Variants in UGT1A10 observed in about 807,000 individuals in gnomAD.
UGT1A10 encodes the protein UDP glucuronosyltransferase family 1 member A10.
In UGT1A10, 49 loss-of-function variants were observed where a neutral mutation model predicts 45.8. The observed-to-expected ratio is 1.07, with a 90% CI of 0.85 to 1.36. The LOEUF is 1.36. Among genes scored for constraint, UGT1A10 ranks in the 40% most tolerant of loss-of-function variants. The pLI is 0.00. For missense variants in UGT1A10, 745 were observed against 668.6 expected (o/e 1.11, Z -1.26); for synonymous variants, 284 against 249.7 (o/e 1.14, Z -1.29).
chr2:233,643,550 C>A (rs1254185573), intron 1 of UGT1A10, among the ~76,000 whole-genome samples: 1 of 152,074 alleles, frequency 6.6e-6, no homozygotes, highest in East Asian at 1.9e-4. Context: ...CCCCCTGCAG[C>A]AGTGTTGGTA....
intron 1 of UGT1A10, among the ~76,000 whole-genome samples, chr2:233,698,540 G>A (rs2075446584): frequency 1.3e-5 from 2 of 152,274 alleles, no homozygotes; most frequent in African/African-American, 4.8e-5. Flanking sequence ...AACAGAACAC[G>A]AGTGGCCAAC....
Position 233,637,185 on chromosome 2 carries a change from G to C in UGT1A10, c.663G>C (p.Gln221His), listed in dbSNP as rs1213461078. The part of the protein sequence containing the change: ...IVHLEDHLFC[Q>H]YLFRNALEIA... ...ACTTGGAGGACCATTTATTTTGCCAGTATCTTTTTAGAAATGCCCTAGAAA... is the reference window on the plus strand; with the variant it reads ...ACTTGGAGGACCATTTATTTTGCCACTATCTTTTTAGAAATGCCCTAGAAA... Residue 221 changes from glutamine (Q) to histidine (H), a missense_variant, in exon 1 of 5, where the codon CAG (glutamine) becomes CAC (histidine). By Grantham distance (24) the Gln-to-His change is conservative. Coordinates refer to ENST00000344644, the MANE Select transcript of UGT1A10 (RefSeq NM_019075.4). The C allele has an allele frequency of 6.2e-7, 1 of 1,613,950 alleles. No homozygotes were observed. Among genetic ancestry groups the C allele is most frequent in the African/African-American group, 1.3e-5 (1 of 75,024 alleles).
chr2:233,725,139 A>G lies in UGT1A10; in HGVS notation c.856-41895A>G, dbSNP rs1329392712. ...TGCAGTGAGCCGAGATGGCAGCAGTACAGTCCAGCTTCGGCTCTGCATGAG... is the reference window on the plus strand; with the variant it reads ...TGCAGTGAGCCGAGATGGCAGCAGTGCAGTCCAGCTTCGGCTCTGCATGAG... On this transcript the variant is annotated intron_variant, in intron 1 of 4. Transcript: ENST00000344644. Among the ~76,000 whole-genome samples, 4 of 132,800 alleles carry G rather than the reference A, an allele frequency of 3.0e-5. 1 individual carries two copies. The highest frequency in any genetic ancestry group is 6.3e-5 in the Non-Finnish European group (4 of 63,650). The allele number at this position is 132,800 out of a possible 152,430, so 87.1% of individuals were successfully genotyped here. A position where few individuals can be genotyped will look rare whatever the true frequency, so the allele number is the denominator to read the frequency against.
At chr2:233,728,368 C>T (rs1168371708) in intron 1 of UGT1A10, among the ~76,000 whole-genome samples, 7 of 152,282 alleles carry the variant, frequency 4.6e-5, no homozygotes, top group African/African-American at 1.2e-4. Context: ...CTGAACCCAC[C>T]ATGGGTCTTT....
chr2:233,684,711 G>T (rs1275100203), intron 1 of UGT1A10, among the ~76,000 whole-genome samples: 1 of 151,950 alleles, frequency 6.6e-6, no homozygotes, highest in East Asian at 1.9e-4. Flanking sequence ...ATGTATTAAT[G>T]TATATATTTA....
chr2:233,640,080 C>T (rs1322189342), intron 1 of UGT1A10, among the ~76,000 whole-genome samples: 1 of 152,184 alleles, frequency 6.6e-6, no homozygotes, highest in African/African-American at 2.4e-5. Context: ...AAGATCTGTG[C>T]TTTCCCCATT....
chr2:233,693,265 G>A (rs1232427897), intron 1 of UGT1A10: 2 of 1,614,108 alleles, frequency 1.2e-6, no homozygotes, highest in South Asian at 2.2e-5. Flanking sequence ...AAGAAGAGCT[G>A]AAGAACCGTT....
chr2:233,730,323 CA>C lies in UGT1A10; in HGVS notation c.856-36710del, dbSNP rs2078014801. Among the ~76,000 whole-genome samples the C allele has an allele frequency of 2.0e-5, 3 of 152,152 alleles. No homozygotes were observed. The South Asian group carries it at 6.2e-4, about 32-fold the overall frequency. ...TCCTTCAGCTTGGCAGGAACAGGGA[CA>C]CTACGTTTGGAACTGATCCATCCTG... On this transcript the variant is annotated intron_variant, in intron 1 of 4. Transcript: ENST00000344644.
intron 1 of UGT1A10, chr2:233,754,294 G>C (rs556479810): frequency 4.3e-4 from 102 of 236,002 alleles, no homozygotes; most frequent in African/African-American, 2.0e-3. Flanking sequence ...TTCTGTCCTA[G>C]CACTAGGAAA....
At chr2:233,753,157 T>C (rs1695143636) in intron 1 of UGT1A10, 2 of 152,228 alleles carry the variant, frequency 1.3e-5, no homozygotes, top group African/African-American at 2.4e-5. Context: ...TAAGTTCCCT[T>C]ATCCGGATCA....
chr2:233,681,999 G>A (rs2074549266), intron 1 of UGT1A10: 1 of 1,614,050 alleles, frequency 6.2e-7, no homozygotes, highest in Non-Finnish European at 8.5e-7. Flanking sequence ...CTGACCTGTG[G>A]CTTTGCCAAG....
intron 1 of UGT1A10, chr2:233,713,315 G>A (rs1559359231): frequency 1.9e-6 from 3 of 1,614,100 alleles, no homozygotes; most frequent in Admixed American, 1.7e-5. Context: ...ATCTTCTGAT[G>A]AAATTTTCTA....
chr2:233,753,949 C>T (rs1032633055), intron 1 of UGT1A10, among the ~76,000 whole-genome samples: 3 of 152,164 alleles, frequency 2.0e-5, no homozygotes, highest in African/African-American at 7.2e-5. Context: ...GTATGACCTC[C>T]AAAATATTAA....
chr2:233,736,069 TTGGGAAGTTCTCC>T (rs1429776969), intron 1 of UGT1A10, among the ~76,000 whole-genome samples: 1 of 152,194 alleles, frequency 6.6e-6, no homozygotes, highest in African/African-American at 2.4e-5. Flanking sequence ...CTTGCTAGGT[TTGGGAAGTTCTCC>T]TGGATAATAT....
At chr2:233,657,377 A>G (rs1251855222) in intron 1 of UGT1A10, among the ~76,000 whole-genome samples, 1 of 152,212 alleles carries the variant, frequency 6.6e-6, no homozygotes, top group Non-Finnish European at 1.5e-5. Flanking sequence ...TGTTTCTGGC[A>G]AAAGACTTGG....
intron 1 of UGT1A10, chr2:233,713,039 G>A (rs1346313481): frequency 5.6e-6 from 9 of 1,613,884 alleles, no homozygotes; most frequent in Non-Finnish European, 7.6e-6. Flanking sequence ...CCACAGGACT[G>A]CTGCTTCTCC....
At chr2:233,697,906 T>A (rs1439764311) in intron 1 of UGT1A10, among the ~76,000 whole-genome samples, 1 of 152,240 alleles carries the variant, frequency 6.6e-6, no homozygotes, top group Non-Finnish European at 1.5e-5. Flanking sequence ...ATCTATTGAC[T>A]CCTTCTCCTA....
chr2:233,656,838 C>T (rs1317459705), intron 1 of UGT1A10, among the ~76,000 whole-genome samples: 2 of 152,080 alleles, frequency 1.3e-5, no homozygotes, highest in African/African-American at 2.4e-5. Flanking sequence ...ATTTTCTTTT[C>T]AGTTTACACG....
intron 1 of UGT1A10, among the ~76,000 whole-genome samples, chr2:233,757,571 A>G (rs112550375): frequency 3.9e-5 from 3 of 77,334 alleles, no homozygotes; most frequent in African/African-American, 1.8e-4. Flanking sequence ...TGTATATATG[A>G]TATAGCTATA....
Sources: gnomAD v4.1 joint callset for allele counts (sites outside exome capture counted in the v4.1 genomes callset) on GRCh38, gnomAD v4.1.1 for gene constraint, MANE v1.5 for transcripts, NCBI Gene and HGNC (gene_info 2026-07-23, HGNC 2026-07-21) for gene names.